YWHAZ: variants seen among roughly 807,000 people sequenced by gnomAD.
The protein encoded by YWHAZ is tyrosine 3-monooxygenase/tryptophan 5-monooxygenase activation protein zeta, also known as 14-3-3 protein zeta/delta.
For missense variants in YWHAZ, 79 were observed against 284.8 expected, an observed-to-expected ratio of 0.28 and a Z score of 5.20; for synonymous variants, 87 against 103.6, an observed-to-expected ratio of 0.84 and a Z score of 0.97.
In YWHAZ at chr8:100,918,419, T is replaced by TAAA; in HGVS notation, c.*2273_*2274insTTT. ...AAAATATAATTACTTTATATATATA[T>TAAA]ATATATATATATATATATATATATA... On this transcript the variant is annotated 3_prime_UTR_variant, in exon 6 of 6. Transcript: ENST00000395958. 1.4e-5 allele frequency: 1 copy of TAAA among 72,234 alleles called. No individual in the cohort carries two copies. Among genetic ancestry groups the TAAA allele is most frequent in the Non-Finnish European group, 2.8e-5 (1 of 36,094 alleles). The allele number at this position is 72,234 out of a possible 1,614,324, so 4.5% of individuals were successfully genotyped here. A position where few individuals can be genotyped will look rare whatever the true frequency, so the allele number is the denominator to read the frequency against.
intron 5 of YWHAZ, among the ~76,000 whole-genome samples, chr8:100,921,636 C>A (rs1813033815): frequency 6.6e-6 from 1 of 152,184 alleles, no homozygotes; most frequent in African/African-American, 2.4e-5. Context: ...CAAAAGTAAT[C>A]GCAGCTCTTG....
chr8:100,927,938 A>G (rs1029501632), intron 2 of YWHAZ, among the ~76,000 whole-genome samples: 6 of 152,244 alleles, frequency 3.9e-5, no homozygotes, highest in Admixed American at 1.3e-4. Flanking sequence ...ATAGACCAAA[A>G]GAACCAAACA....
intron 2 of YWHAZ, among the ~76,000 whole-genome samples, chr8:100,931,186 A>G (rs1813734647): frequency 6.6e-6 from 1 of 152,252 alleles, no homozygotes; most frequent in African/African-American, 2.4e-5. Flanking sequence ...AAGATGCCTT[A>G]ATCCAAAGAT....
At chr8:100,951,531 G>C in intron 1 of YWHAZ, 1 of 985,620 alleles carries the variant, frequency 1.0e-6, no homozygotes, top group Non-Finnish European at 1.2e-6. Context: ...CGGCGAGGGA[G>C]GGGGTGGAAG....
rs1812936239 is a variant in YWHAZ, at chr8:100,920,570, C to G, written c.*123G>C. The G allele has an allele frequency of 1.1e-6, 1 of 917,474 alleles. No homozygotes were observed. Among genetic ancestry groups the G allele is most frequent in the Non-Finnish European group, 1.7e-6 (1 of 582,242 alleles). 56.8% of individuals were successfully genotyped at this position (917,474 alleles called of 1,614,324 possible). On this transcript the variant is annotated 3_prime_UTR_variant, in exon 6 of 6. Coordinates refer to ENST00000395958, the MANE Select transcript of YWHAZ (RefSeq NM_145690.3). ...AAACCACATGGGAAATATAGAAATT[C>G]AAATAGAAGTAACATAAACCTGTCA... is the stretch of plus-strand genomic sequence containing the variant.
chr8:100,938,354 T>C (rs1814347606), intron 2 of YWHAZ, among the ~76,000 whole-genome samples: 1 of 152,198 alleles, frequency 6.6e-6, no homozygotes, highest in African/African-American at 2.4e-5. Flanking sequence ...TGTCTTGATC[T>C]GTTAAAATAA....
In YWHAZ at chr8:100,918,603, A is replaced by AT. The variant is rs1812820924; in HGVS notation, c.*2089dup. The AT allele has an allele frequency of 6.6e-6, 1 of 151,338 alleles. No homozygotes were observed. The highest frequency in any genetic ancestry group is 2.1e-4 in the South Asian group (1 of 4,792). 9.4% of individuals were successfully genotyped at this position (151,338 alleles called of 1,614,324 possible). A position where few individuals can be genotyped will look rare whatever the true frequency, so the allele number is the denominator to read the frequency against. On this transcript the variant is annotated 3_prime_UTR_variant, in exon 6 of 6. Transcript: ENST00000395958. ...TCCATTGCACTTTTATTTGAATGTA[A>AT]TATTTGGGACAATTATTCAAAAGGG... is the stretch of plus-strand genomic sequence containing the variant.
At chr8:100,931,604 A>T (rs1185898923) in intron 2 of YWHAZ, among the ~76,000 whole-genome samples, 3 of 152,166 alleles carry the variant, frequency 2.0e-5, no homozygotes, top group Non-Finnish European at 4.4e-5. Flanking sequence ...AATTTACACA[A>T]TAGCTAATCT....
At position 100,937,959 on chromosome 8, in the gene YWHAZ, C is replaced by T. The variant is rs145135275; in HGVS notation, c.294+10637G>A. On this transcript the variant is annotated intron_variant, in intron 2 of 5. Coordinates refer to ENST00000395958, the MANE Select transcript of YWHAZ (RefSeq NM_145690.3). ...CAGCCTGACCAACATGGAGAAATCCCATCTCTACTAAAAATACAGAATTAG... is the reference window on the plus strand; with the variant it reads ...CAGCCTGACCAACATGGAGAAATCCTATCTCTACTAAAAATACAGAATTAG... 9.3e-3 allele frequency among the ~76,000 whole-genome samples: 1,423 copies of T among 152,258 alleles called. 19 individuals are homozygous for T. Among genetic ancestry groups the T allele is most frequent in the African/African-American group, 0.031 (1,300 of 41,534 alleles).
chr8:100,940,343 G>C (rs1456842241), intron 2 of YWHAZ, among the ~76,000 whole-genome samples: 1 of 152,084 alleles, frequency 6.6e-6, no homozygotes, highest in Admixed American at 6.5e-5. Flanking sequence ...GGCACGCTAT[G>C]TATTATGGAT....
At chr8:100,939,178 C>A (rs1427654527) in intron 2 of YWHAZ, among the ~76,000 whole-genome samples, 2 of 152,096 alleles carry the variant, frequency 1.3e-5, no homozygotes, top group African/African-American at 4.8e-5. Flanking sequence ...ACAAAAGATA[C>A]CTACACTAAA....
chr8:100,949,802 A>T (rs1372041800), intron 1 of YWHAZ, among the ~76,000 whole-genome samples: 2 of 152,150 alleles, frequency 1.3e-5, no homozygotes, highest in African/African-American at 4.8e-5. Context: ...TACCCATCTA[A>T]TTCTCTTTCC....
At chr8:100,932,876 G>C (rs996040060) in intron 2 of YWHAZ, among the ~76,000 whole-genome samples, 7 of 151,914 alleles carry the variant, frequency 4.6e-5, no homozygotes, top group African/African-American at 7.3e-5. Context: ...TAAAAAAAAA[G>C]TCTTTTTTCT....
Position 100,922,262 on chromosome 8 carries a change from A to G in YWHAZ, c.679-1510T>C, listed in dbSNP as rs1244410541. 1.3e-5 allele frequency among the ~76,000 whole-genome samples: 2 copies of G among 152,190 alleles called. No individual in the cohort carries two copies. Among genetic ancestry groups the G allele is most frequent in the East Asian group, 1.9e-4 (1 of 5,202 alleles). On this transcript the variant is annotated intron_variant, in intron 5 of 5. Coordinates refer to ENST00000395958, the MANE Select transcript of YWHAZ (RefSeq NM_145690.3). The surrounding 1 kb of genome is among the most constrained non-coding windows in gnomAD (Gnocchi z 4.1). ...TCAGAATGAAATATTAAGTTTTGGG[A>G]TAATTTCTTTTCTTGACAGATAAAT...
intron 2 of YWHAZ, among the ~76,000 whole-genome samples, chr8:100,946,593 C>T (rs1810293574): frequency 6.6e-6 from 1 of 151,908 alleles, no homozygotes; most frequent in African/African-American, 2.4e-5. Context: ...AACAAACCTG[C>T]TACAAGTCTT....
intron 2 of YWHAZ, among the ~76,000 whole-genome samples, chr8:100,939,696 CA>C (rs1365294566): frequency 6.6e-6 from 1 of 151,596 alleles, no homozygotes; most frequent in African/African-American, 2.4e-5. Context: ...CATCTGAAAA[CA>C]AATTTTGAAA....
At chr8:100,945,060 C>G (rs1810162645) in intron 2 of YWHAZ, among the ~76,000 whole-genome samples, 1 of 152,154 alleles carries the variant, frequency 6.6e-6, no homozygotes, top group Non-Finnish European at 1.5e-5. Context: ...AGTGTTGAGT[C>G]CCTCCCCAAC....
chr8:100,933,068 A>C (rs1228709145), intron 2 of YWHAZ, among the ~76,000 whole-genome samples: 1 of 152,194 alleles, frequency 6.6e-6, no homozygotes. Flanking sequence ...CCATGAAAAT[A>C]GTTGTGACCT....
At chr8:100,953,041 C>T, upstream of YWHAZ, 4 of 999,310 alleles carry the variant, frequency 4.0e-6, no homozygotes, top group Non-Finnish European at 4.8e-6. Flanking sequence ...CCGGGCGGAG[C>T]CGGCAGGAGG....
Sources: gnomAD v4.1 joint callset for allele counts (sites outside exome capture counted in the v4.1 genomes callset) on GRCh38, gnomAD v4.1.1 for gene constraint, Gnocchi (gnomAD v3.1) non-coding constraint, MANE v1.5 for transcripts, NCBI Gene and HGNC (gene_info 2026-07-23, HGNC 2026-07-21) for gene names.